Variants in ERC2 observed in about 807,000 individuals in gnomAD.
ERC2 encodes ELKS/RAB6-interacting/CAST family member 2.
ERC2 carries 42 observed loss-of-function variants against 114.8 expected under a neutral mutation model. The ratio of observed to expected loss-of-function variants is 0.37; its 90% CI spans 0.29 to 0.47. The LOEUF is 0.47. Ranked by LOEUF, ERC2 falls within the 20% of genes least tolerant of loss-of-function variation. ERC2 has a pLI of 0.99. For missense variants in ERC2, 939 were observed against 1,150.7 expected (o/e 0.82, Z 2.66); for synonymous variants, 454 against 425.5 (o/e 1.07, Z -0.82).
intron 3 of ERC2, among the ~76,000 whole-genome samples, chr3:56,278,182 G>A (rs1212955409): frequency 1.3e-5 from 2 of 152,190 alleles, no homozygotes; most frequent in African/African-American, 4.8e-5. Context: ...AGTAAAGACT[G>A]CAATATCCCA....
chr3:55,952,163 ACACACACACACACACACTCTCT>A lies in ERC2; in HGVS notation c.2268-1625_2268-1604del, dbSNP rs1443942826. On this transcript the variant is annotated intron_variant, in intron 12 of 17. Coordinates refer to ENST00000288221, the MANE Select transcript of ERC2 (RefSeq NM_015576.3). ...CACACACACACACACACACACACAC[ACACACACACACACACACTCTCT>A]CTCTCTCTCTCTCTATATATATATA... Among the ~76,000 whole-genome samples, 15 of 73,588 alleles carry A rather than the reference ACACACACACACACACACTCTCT, an allele frequency of 2.0e-4. 1 individual carries two copies. The highest frequency in any genetic ancestry group is 5.3e-4 in the South Asian group (1 of 1,870). The allele number at this position is 73,588 out of a possible 152,430, so 48.3% of individuals were successfully genotyped here.
chr3:55,546,931 G>A (rs1275855053), intron 17 of ERC2, among the ~76,000 whole-genome samples: 2 of 152,254 alleles, frequency 1.3e-5, no homozygotes, highest in Non-Finnish European at 1.5e-5. Context: ...CTCATAGGAG[G>A]CGGAGTCGCA....
chr3:56,445,503 T>C (rs976649400), intron 1 of ERC2, among the ~76,000 whole-genome samples: 53 of 152,254 alleles, frequency 3.5e-4, no homozygotes, highest in African/African-American at 1.2e-3. Flanking sequence ...TCTACTCTTA[T>C]TTCCAAAATA....
chr3:55,838,316 A>G (rs2060988282), intron 14 of ERC2, among the ~76,000 whole-genome samples: 1 of 152,058 alleles, frequency 6.6e-6, no homozygotes, highest in African/African-American at 2.4e-5. Context: ...CATAGAGCAA[A>G]CCTCAAGAAA....
In ERC2 at chr3:56,296,065, T is replaced by C. The variant is rs774976067; in HGVS notation, c.1028A>G (p.Glu343Gly). ...AEAESQVSHL[E>G]VILDQKEKEN... ...CTTCTCTTTCTGATCTAAAATCACT[T>C]CCAAGTGGCTGACCTGAGACTCAGC... Residue 343 changes from glutamate to glycine, a missense_variant, in exon 3 of 18, where the codon GAA (glutamate) becomes GGA (glycine). Glu to Gly is a moderately conservative substitution (Grantham distance 98). Coordinates refer to ENST00000288221, the MANE Select transcript of ERC2 (RefSeq NM_015576.3). 6.2e-7 allele frequency: 1 copy of C among 1,609,046 alleles called. No individual in the cohort carries two copies. Among genetic ancestry groups the C allele is most frequent in the Non-Finnish European group, 8.5e-7 (1 of 1,176,768 alleles).
At chr3:55,916,721 C>G (rs548250820) in intron 13 of ERC2, among the ~76,000 whole-genome samples, 1 of 152,230 alleles carries the variant, frequency 6.6e-6, no homozygotes, top group South Asian at 2.1e-4. Flanking sequence ...TGCTGCCTCT[C>G]CAAGCCACAC....
At chr3:56,320,973 C>T (rs1379736290) in intron 2 of ERC2, among the ~76,000 whole-genome samples, 1 of 152,146 alleles carries the variant, frequency 6.6e-6, no homozygotes, top group Non-Finnish European at 1.5e-5. Flanking sequence ...GTAGAAGCAT[C>T]ATCTCAAAGT....
At position 56,140,853 on chromosome 3, in the gene ERC2, C is replaced by A. The variant is rs553798140; in HGVS notation, c.1306-1177G>T. 2.0e-3 allele frequency among the ~76,000 whole-genome samples: 298 copies of A among 152,022 alleles called. 3 individuals carry two copies. Among genetic ancestry groups the A allele is most frequent in the African/African-American group, 7.0e-3 (290 of 41,488 alleles). The stretch of plus-strand genomic sequence containing the variant: ...AGCCTGGCCAATATGGTGAAACCCC[C>A]TCTCCACTAAAAATACAAAAATTAG... On this transcript the variant is annotated intron_variant, in intron 5 of 17. Transcript: ENST00000288221.
intron 2 of ERC2, among the ~76,000 whole-genome samples, chr3:56,341,508 C>T (rs956138083): frequency 2.0e-5 from 3 of 152,110 alleles, no homozygotes; most frequent in African/African-American, 7.2e-5. Context: ...GTTTATTTGT[C>T]CCCATTTGCA....
chr3:56,132,646 G>A (rs1236251835), intron 6 of ERC2, among the ~76,000 whole-genome samples: 1 of 151,616 alleles, frequency 6.6e-6, no homozygotes, highest in East Asian at 1.9e-4. Context: ...CAAAAAAAAA[G>A]CATTTAATTT....
At chr3:56,149,883 G>T (rs1274827799) in intron 4 of ERC2, among the ~76,000 whole-genome samples, 1 of 152,100 alleles carries the variant, frequency 6.6e-6, no homozygotes, top group East Asian at 1.9e-4. Context: ...AATTACCAAT[G>T]ACAGACTCTA....
intron 17 of ERC2, among the ~76,000 whole-genome samples, chr3:55,626,942 C>T (rs1265616048): frequency 2.0e-5 from 3 of 152,224 alleles, no homozygotes; most frequent in Non-Finnish European, 4.4e-5. Flanking sequence ...TGGATTAGTG[C>T]ATATAAAGTC....
chr3:56,184,287 T>C (rs2083461373), intron 3 of ERC2, among the ~76,000 whole-genome samples: 2 of 152,166 alleles, frequency 1.3e-5, no homozygotes, highest in South Asian at 4.1e-4. Context: ...AGTTATGTAG[T>C]TCAATAATTA....
At chr3:55,646,434 T>G (rs995953178) in intron 17 of ERC2, among the ~76,000 whole-genome samples, 1 of 152,230 alleles carries the variant, frequency 6.6e-6, no homozygotes, top group Non-Finnish European at 1.5e-5. Flanking sequence ...ATTATACTCT[T>G]GTGTTACTTC....
chr3:56,241,229 A>G (rs1202708379), intron 3 of ERC2, among the ~76,000 whole-genome samples: 3 of 152,206 alleles, frequency 2.0e-5, no homozygotes, highest in African/African-American at 7.2e-5. Flanking sequence ...AAGAGTGGGA[A>G]AAGGACCTGA....
intron 15 of ERC2, among the ~76,000 whole-genome samples, chr3:55,707,850 G>A (rs17055815): frequency 0.035 from 5,268 of 152,266 alleles, 310 homozygotes; most frequent in African/African-American, 0.12. Flanking sequence ...CACATGCCCT[G>A]AATATTTGCC....
chr3:56,449,074 C>CAA (rs34335399), intron 1 of ERC2, among the ~76,000 whole-genome samples: 27,557 of 111,874 alleles, frequency 0.25, 3,933 homozygotes, highest in East Asian at 0.31. Context: ...GACTCCATCT[C>CAA]AAAAAAAAAA....
chr3:56,155,202 T>C (rs567032310), intron 4 of ERC2, among the ~76,000 whole-genome samples: 2 of 152,252 alleles, frequency 1.3e-5, no homozygotes, highest in Admixed American at 6.5e-5. Context: ...TTTTAAATTG[T>C]GTGGCCCTGC....
intron 3 of ERC2, among the ~76,000 whole-genome samples, chr3:56,250,019 G>A (rs1238206607): frequency 2.6e-5 from 4 of 151,842 alleles, no homozygotes; most frequent in East Asian, 1.9e-4. Flanking sequence ...CACCACACCC[G>A]GCTAATTTTT....
Sources: gnomAD v4.1 joint callset for allele counts (sites outside exome capture counted in the v4.1 genomes callset) on GRCh38, gnomAD v4.1.1 for gene constraint, MANE v1.5 for transcripts, NCBI Gene and HGNC (gene_info 2026-07-23, HGNC 2026-07-21) for gene names.